Variants in KPNA3 observed in about 807,000 individuals in gnomAD.
The protein encoded by KPNA3 is importin subunit alpha-4.
In KPNA3, 13 loss-of-function variants were observed where a neutral mutation model predicts 73.8. The observed-to-expected ratio is 0.18, with a 90% CI of 0.11 to 0.28. The LOEUF (loss-of-function observed/expected upper bound fraction) is 0.28, where lower values mean the gene tolerates loss of function less well. Among genes scored for constraint, KPNA3 ranks in the 10% least tolerant of loss-of-function variants. The probability of loss-of-function intolerance (pLI) is 1.00; values close to 1 mark genes in which losing one functional copy is unlikely to be tolerated. For missense variants in KPNA3, 360 were observed against 618.1 expected (o/e 0.58, Z 4.43); for synonymous variants, 186 against 206.9 (o/e 0.90, Z 0.87).
In KPNA3 at chr13:49,706,083, G is replaced by A. The variant is rs760713906; in HGVS notation, c.1209+15C>T. 2 of 1,608,262 alleles carry A rather than the reference G, an allele frequency of 1.2e-6. No individual in the cohort carries two copies. The highest frequency in any genetic ancestry group is 1.1e-5 in the South Asian group (1 of 89,922). ...AGTATTAACAATCATGACAGTTACAGGTTTTCAAACTCACCTGATCTTTTC... is the reference window on the plus strand; with the variant it reads ...AGTATTAACAATCATGACAGTTACAAGTTTTCAAACTCACCTGATCTTTTC... On this transcript the variant is annotated intron_variant, in intron 14 of 16. Coordinates refer to ENST00000261667, the MANE Select transcript of KPNA3 (RefSeq NM_002267.4).
intron 9 of KPNA3, among the ~76,000 whole-genome samples, chr13:49,720,765 A>G (rs1394219306): frequency 6.6e-6 from 1 of 151,554 alleles, no homozygotes; most frequent in African/African-American, 2.4e-5. Context: ...AACACAGTCA[A>G]CAGTGAATAA....
chr13:49,714,165 C>T (rs1356360062), intron 10 of KPNA3, among the ~76,000 whole-genome samples: 1 of 151,884 alleles, frequency 6.6e-6, no homozygotes, highest in Non-Finnish European at 1.5e-5. Flanking sequence ...GAGTGAACAA[C>T]AGTGTAAACT....
rs115002151 is a variant in KPNA3, at chr13:49,748,378, A to G, written c.70-1385T>C. 6.9e-3 allele frequency among the ~76,000 whole-genome samples: 1,051 copies of G among 152,258 alleles called. 8 individuals are homozygous for G. Among genetic ancestry groups the G allele is most frequent in the African/African-American group, 0.021 (884 of 41,554 alleles). On this transcript the variant is annotated intron_variant, in intron 1 of 16. Transcript: ENST00000261667. The stretch of plus-strand genomic sequence containing the variant: ...TTATGGGGAAACACTGAAATAATAT[A>G]TATCTCCCCTCTAACATACTGATAT...
intron 1 of KPNA3, among the ~76,000 whole-genome samples, chr13:49,766,997 A>ATTT (rs199591606): frequency 1.9e-4 from 23 of 118,354 alleles, no homozygotes; most frequent in East Asian, 4.7e-4. Flanking sequence ...TCAAGTTAGG[A>ATTT]TTTTTTTTTT....
chr13:49,734,990 T>C (rs576990265), intron 2 of KPNA3, among the ~76,000 whole-genome samples: 1 of 137,372 alleles, frequency 7.3e-6, no homozygotes, highest in South Asian at 2.3e-4. Flanking sequence ...CTATTAGGCA[T>C]ATACTAGTTT....
Position 49,705,738 on chromosome 13 carries a change from A to C in KPNA3, c.1255T>G (p.Leu419Val). The C allele has an allele frequency of 6.2e-7, 1 of 1,614,036 alleles. No individual in the cohort carries two copies. Among genetic ancestry groups the C allele is most frequent in the Non-Finnish European group, 8.5e-7 (1 of 1,179,896 alleles). Residue 419 changes from leucine (L) to valine (V), a missense_variant, in exon 15 of 17, where the codon TTA becomes GTA. Physicochemically the swap from Leu to Val is conservative, Grantham distance 32. Transcript: ENST00000261667. ...QQNVIPPFCNLLSVKDSQVVQ... is the reference protein window; with the variant it reads ...QQNVIPPFCNVLSVKDSQVVQ... ...ACTTGAGAATCTTTCACTGACAGTA[A>C]ATTACAGAACGGTGGTATTACATTC... is the stretch of plus-strand genomic sequence containing the variant.
At chr13:49,713,431 C>A (rs1470972593) in intron 10 of KPNA3, among the ~76,000 whole-genome samples, 1 of 151,720 alleles carries the variant, frequency 6.6e-6, no homozygotes. Context: ...ATATATTGAA[C>A]TTTATACCCT....
Position 49,792,471 on chromosome 13 carries a change from G to A in KPNA3, c.36C>T (p.Ile12=), listed in dbSNP as rs746710715. 6.3e-7 allele frequency: 1 copy of A among 1,583,998 alleles called. No individual in the cohort carries two copies. The highest frequency in any genetic ancestry group is 1.1e-5 in the South Asian group (1 of 88,206). The change falls in exon 1 of 17, where the codon ATC becomes ATT. Residue 12 remains isoleucine (I), a synonymous_variant. Coordinates refer to ENST00000261667, the MANE Select transcript of KPNA3 (RefSeq NM_002267.4). ...CGCGGCCCTTGTTCTTGAAGCTCTTGATGCGGTGGTTCTCCAAGCTGGGGT... is the reference window on the plus strand; with the variant it reads ...CGCGGCCCTTGTTCTTGAAGCTCTTAATGCGGTGGTTCTCCAAGCTGGGGT... ...AENPSLENHR[I]KSFKNKGRDV...
chr13:49,716,715 A>G (rs1323090629), intron 10 of KPNA3, among the ~76,000 whole-genome samples: 1 of 152,172 alleles, frequency 6.6e-6, no homozygotes, highest in South Asian at 2.1e-4. Context: ...TAGGATTACA[A>G]ATATGAGCCA....
chr13:49,766,175 T>A (rs929280341), intron 1 of KPNA3, among the ~76,000 whole-genome samples: 9 of 152,198 alleles, frequency 5.9e-5, no homozygotes, highest in Non-Finnish European at 1.0e-4. Context: ...CAGTCATCAA[T>A]GTTTGTTTCC....
At chr13:49,792,057 G>A (rs1392244422) in intron 1 of KPNA3, among the ~76,000 whole-genome samples, 1 of 152,168 alleles carries the variant, frequency 6.6e-6, no homozygotes, top group Non-Finnish European at 1.5e-5. Flanking sequence ...CCGGTGGCGG[G>A]CGCAAGCAGC....
intron 1 of KPNA3, among the ~76,000 whole-genome samples, chr13:49,779,711 C>T (rs1353173493): frequency 6.6e-6 from 1 of 152,162 alleles, no homozygotes; most frequent in Non-Finnish European, 1.5e-5. Context: ...ATTCCTCCTT[C>T]CCATGACTAC....
chr13:49,754,279 T>C (rs556414834), intron 1 of KPNA3, among the ~76,000 whole-genome samples: 1 of 152,060 alleles, frequency 6.6e-6, no homozygotes, highest in South Asian at 2.1e-4. Context: ...CCAGCCTGGG[T>C]GACAGAACAA....
chr13:49,730,519 C>CAACA (rs1954453977), intron 6 of KPNA3, among the ~76,000 whole-genome samples: 1 of 27,280 alleles, frequency 3.7e-5, no homozygotes, highest in Non-Finnish European at 6.3e-5. Context: ...GACTCTGTCT[C>CAACA]AAAAAAAAAA....
chr13:49,790,176 T>TA (rs1486715256), intron 1 of KPNA3, among the ~76,000 whole-genome samples: 1 of 152,170 alleles, frequency 6.6e-6, no homozygotes, highest in African/African-American at 2.4e-5. Context: ...GTTTTTTATC[T>TA]AAAGTTCCAG....
chr13:49,708,206 A>G (rs979383671), intron 12 of KPNA3, among the ~76,000 whole-genome samples: 2 of 152,104 alleles, frequency 1.3e-5, no homozygotes, highest in African/African-American at 4.8e-5. Context: ...TGTGTTAGCC[A>G]GGATGGTCTC....
chr13:49,715,681 C>T (rs907054552), intron 10 of KPNA3, among the ~76,000 whole-genome samples: 1 of 152,172 alleles, frequency 6.6e-6, no homozygotes, highest in African/African-American at 2.4e-5. Context: ...AGAATACAAA[C>T]CTTCCCAGAT....
intron 2 of KPNA3, among the ~76,000 whole-genome samples, chr13:49,734,693 C>A (rs1275448719): frequency 1.3e-5 from 2 of 152,052 alleles, no homozygotes; most frequent in African/African-American, 4.8e-5. Flanking sequence ...GTTACCTCAG[C>A]GCAGAGTTTG....
intron 2 of KPNA3, among the ~76,000 whole-genome samples, chr13:49,733,726 A>G (rs1342823245): frequency 1.3e-5 from 2 of 152,252 alleles, no homozygotes; most frequent in African/African-American, 4.8e-5. Flanking sequence ...TTAAGCAAAC[A>G]GACTTGAAAA....
Sources: gnomAD v4.1 joint callset for allele counts (sites outside exome capture counted in the v4.1 genomes callset) on GRCh38, gnomAD v4.1.1 for gene constraint, MANE v1.5 for transcripts, NCBI Gene and HGNC (gene_info 2026-07-23, HGNC 2026-07-21) for gene names.